The following KCNB2 variants were observed in gnomAD, a reference collection of about 807,000 sequenced individuals.
KCNB2 encodes delayed rectifier potassium channel protein.
Under a neutral mutation model 61.5 loss-of-function variants are expected in KCNB2, and 15 were observed. That is an observed-to-expected ratio of 0.24 (90% CI 0.16 to 0.38). The LOEUF is 0.38. KCNB2 is among the 10% of genes least tolerant of loss of function. The pLI is 1.00. For synonymous variants in KCNB2, 457 were observed against 446.0 expected (o/e 1.02, Z -0.31); for missense variants, 828 against 1,125.2 (o/e 0.74, Z 3.78).
At chr8:72,715,409 A>G (rs1446259762) in intron 2 of KCNB2, among the ~76,000 whole-genome samples, 1 of 152,224 alleles carries the variant, frequency 6.6e-6, no homozygotes, top group Admixed American at 6.5e-5. Flanking sequence ...ACATAATTGG[A>G]AGTAAAGCAC....
At chr8:72,684,065 A>G (rs981332465) in intron 2 of KCNB2, among the ~76,000 whole-genome samples, 1 of 152,200 alleles carries the variant, frequency 6.6e-6, no homozygotes, top group African/African-American at 2.4e-5. Context: ...TGAGGTAATC[A>G]GTTAGAATAA....
intron 2 of KCNB2, among the ~76,000 whole-genome samples, chr8:72,820,385 A>G (rs1809476955): frequency 1.3e-5 from 2 of 152,176 alleles, no homozygotes; most frequent in Non-Finnish European, 2.9e-5. Context: ...ATTCCAATGA[A>G]CTTTCCAATT....
At chr8:72,836,691 G>A (rs1809787968) in intron 2 of KCNB2, among the ~76,000 whole-genome samples, 2 of 152,158 alleles carry the variant, frequency 1.3e-5, no homozygotes, top group South Asian at 4.1e-4. Flanking sequence ...CAGGTGGATT[G>A]CCTGAGCTCA....
At chr8:72,777,773 A>T (rs2128997641) in intron 2 of KCNB2, among the ~76,000 whole-genome samples, 1 of 152,300 alleles carries the variant, frequency 6.6e-6, no homozygotes, top group South Asian at 2.1e-4. Flanking sequence ...ATAATACAGG[A>T]CATTCTACCA....
At chr8:72,906,566 A>T (rs1246741908) in intron 2 of KCNB2, among the ~76,000 whole-genome samples, 1 of 152,340 alleles carries the variant, frequency 6.6e-6, no homozygotes, top group Non-Finnish European at 1.5e-5. Context: ...TTATGTAAAA[A>T]ATCATTTCCT....
chr8:72,711,491 A>T (rs1208500764), intron 2 of KCNB2, among the ~76,000 whole-genome samples: 1 of 152,208 alleles, frequency 6.6e-6, no homozygotes, highest in South Asian at 2.1e-4. Flanking sequence ...GCAATAAAGG[A>T]TACACAAGAG....
chr8:72,693,899 C>T (rs1806978304), intron 2 of KCNB2, among the ~76,000 whole-genome samples: 1 of 152,164 alleles, frequency 6.6e-6, no homozygotes, highest in African/African-American at 2.4e-5. Flanking sequence ...TAATACTGTG[C>T]CTTAGAGTTC....
chr8:72,937,011 T>A lies in KCNB2; in HGVS notation c.1656T>A (p.Pro552=). The change falls in exon 3 of 3, where the codon CCT becomes CCA. Residue 552 remains proline, a synonymous_variant. Transcript: ENST00000523207. ...MLYNEITKTQ[P]HSHPNPDCQE... is the part of the protein sequence containing the mutation. Reference sequence around the variant, plus strand: ...ACAATGAAATCACCAAGACACAGCCTCATTCTCACCCAAACCCAGACTGCC... The same window carrying A: ...ACAATGAAATCACCAAGACACAGCCACATTCTCACCCAAACCCAGACTGCC... 2 of 1,614,080 alleles carry A rather than the reference T, an allele frequency of 1.2e-6. No individual in the cohort carries two copies. The highest frequency in any genetic ancestry group is 1.1e-5 in the South Asian group (1 of 91,078).
At chr8:72,706,277 A>T (rs1432596103) in intron 2 of KCNB2, among the ~76,000 whole-genome samples, 2 of 152,188 alleles carry the variant, frequency 1.3e-5, no homozygotes, top group African/African-American at 2.4e-5. Flanking sequence ...GCTACAAATA[A>T]TTGTAGCACT....
At chr8:72,677,956 C>T (rs1341921188) in intron 2 of KCNB2, among the ~76,000 whole-genome samples, 2 of 152,174 alleles carry the variant, frequency 1.3e-5, no homozygotes, top group African/African-American at 4.8e-5. Flanking sequence ...GGACCTCACT[C>T]TTCAATTCAA....
chr8:72,828,916 A>G (rs1809643689), intron 2 of KCNB2, among the ~76,000 whole-genome samples: 1 of 152,192 alleles, frequency 6.6e-6, no homozygotes, highest in African/African-American at 2.4e-5. Flanking sequence ...TCAAAGTATC[A>G]TAATAAAATA....
At chr8:72,798,892 A>G (rs1041170943) in intron 2 of KCNB2, among the ~76,000 whole-genome samples, 3 of 152,190 alleles carry the variant, frequency 2.0e-5, no homozygotes, top group African/African-American at 7.2e-5. Flanking sequence ...CAAGGAAGTG[A>G]CAAAAAAGTG....
At chr8:72,607,558 G>A (rs1278741051) in intron 2 of KCNB2, among the ~76,000 whole-genome samples, 1 of 152,130 alleles carries the variant, frequency 6.6e-6, no homozygotes, top group African/African-American at 2.4e-5. Flanking sequence ...AGAATAATGA[G>A]GATAAAACAT....
At chr8:72,827,816 CTT>C (rs11346090) in intron 2 of KCNB2, among the ~76,000 whole-genome samples, 4,226 of 143,624 alleles carry the variant, frequency 0.029, 194 homozygotes, top group African/African-American at 0.096. Flanking sequence ...AAGTTTCTTT[CTT>C]TTTTTTTTTT....
At chr8:72,930,482 C>A (rs373127143) in intron 2 of KCNB2, among the ~76,000 whole-genome samples, 7,464 of 152,070 alleles carry the variant, frequency 0.049, 569 homozygotes, top group African/African-American at 0.17. Flanking sequence ...TTTTAATGAT[C>A]GCCATTCTAA....
chr8:72,756,922 G>C (rs149699917), intron 2 of KCNB2, among the ~76,000 whole-genome samples: 577 of 152,268 alleles, frequency 3.8e-3, no homozygotes, highest in Non-Finnish European at 6.0e-3. Flanking sequence ...AATAGTTTTG[G>C]TTGTGGACAT....
At chr8:72,565,410 GT>G (rs1410200723) in intron 1 of KCNB2, among the ~76,000 whole-genome samples, 1 of 152,058 alleles carries the variant, frequency 6.6e-6, no homozygotes, top group Non-Finnish European at 1.5e-5. Context: ...AAATCTAATA[GT>G]TTTTCCCTTT....
At chr8:72,763,515 G>A (rs1383122905) in intron 2 of KCNB2, among the ~76,000 whole-genome samples, 2 of 152,178 alleles carry the variant, frequency 1.3e-5, no homozygotes, top group African/African-American at 4.8e-5. Context: ...GGTTGGAGCA[G>A]TTAATGAATT....
chr8:72,561,085 T>C (rs896878403), intron 1 of KCNB2, among the ~76,000 whole-genome samples: 1 of 152,134 alleles, frequency 6.6e-6, no homozygotes, highest in African/African-American at 2.4e-5. Flanking sequence ...CTTTGACCAC[T>C]GAAAGGAAAG....
Sources: allele counts gnomAD v4.1 joint callset (sites outside exome capture counted in the v4.1 genomes callset), GRCh38; gene constraint gnomAD v4.1.1; transcripts MANE v1.5; gene names NCBI Gene and HGNC (gene_info 2026-07-23, HGNC 2026-07-21).